Variants in PDE10A observed in about 807,000 individuals in gnomAD.
PDE10A encodes the protein phosphodiesterase 10A, also known as cAMP and cAMP-inhibited cGMP 3',5'-cyclic phosphodiesterase 10A.
PDE10A carries 39 observed loss-of-function variants against 97.7 expected under a neutral mutation model. That is an observed-to-expected ratio of 0.40 (90% CI 0.31 to 0.52). PDE10A has a LOEUF of 0.52. PDE10A is among the 20% of genes least tolerant of loss of function. The probability of loss-of-function intolerance (pLI) is 0.56; values close to 1 mark genes in which losing one functional copy is unlikely to be tolerated. For synonymous variants in PDE10A, 371 were observed against 376.8 expected (o/e 0.98, Z 0.18); for missense variants, 731 against 1,047.8 (o/e 0.70, Z 4.17).
intron 1 of PDE10A, among the ~76,000 whole-genome samples, chr6:165,668,385 G>A (rs1462871012): frequency 6.6e-6 from 1 of 152,122 alleles, no homozygotes; most frequent in Admixed American, 6.5e-5. Context: ...TACTACCTCA[G>A]TGCCTACACG....
Position 165,543,479 on chromosome 6 carries a change from C to T in PDE10A, c.955G>A (p.Val319Ile). 1 of 1,612,938 alleles carries T rather than the reference C, an allele frequency of 6.2e-7. No individual in the cohort carries two copies. Among genetic ancestry groups the T allele is most frequent in the Non-Finnish European group, 8.5e-7 (1 of 1,179,324 alleles). ...FVSESVSAET[V>I]EKWLKRKNNK... ...TTCTTCCTCTTCAGCCATTTCTCTA[C>T]TGTCTCTGCACTAACACTTTCAGAT... Residue 319 changes from valine (V) to isoleucine (I), a missense_variant, in exon 2 of 22, where the codon GTA becomes ATA. By Grantham distance (29) the Val-to-Ile change is conservative (BLOSUM62 3). Coordinates refer to ENST00000539869, the MANE Select transcript of PDE10A (RefSeq NM_001385079.1).
intron 1 of PDE10A, among the ~76,000 whole-genome samples, chr6:165,800,470 G>A (rs1778954093): frequency 6.6e-6 from 1 of 152,198 alleles, no homozygotes; most frequent in Admixed American, 6.5e-5. Flanking sequence ...AGAGGTGTGA[G>A]CGTCCCTCTG....
intron 1 of PDE10A, among the ~76,000 whole-genome samples, chr6:165,926,140 G>T (rs1292123714): frequency 6.6e-6 from 1 of 152,176 alleles, no homozygotes; most frequent in African/African-American, 2.4e-5. Flanking sequence ...TCTGCCTGGA[G>T]CAACCCTGGC....
At position 165,654,790 on chromosome 6, in the gene PDE10A, ACCT is replaced by A. The variant is rs538024277; in HGVS notation, c.865+7154_865+7156del. Among the ~76,000 whole-genome samples, 320 of 152,138 alleles carry A rather than the reference ACCT, an allele frequency of 2.1e-3. 2 individuals carry two copies. The highest frequency in any genetic ancestry group is 0.01 in the Middle Eastern group (3 of 294). On this transcript the variant is annotated intron_variant, in intron 1 of 21. Coordinates refer to ENST00000539869, the MANE Select transcript of PDE10A (RefSeq NM_001385079.1). The stretch of plus-strand genomic sequence containing the variant: ...AATCTCCCGACCGAGGCCACGGACG[ACCT>A]CCTGGCTGCTGGAACTCACCTGCTC...
chr6:165,327,559 AAC>A lies in PDE10A; in HGVS notation c.*5464_*5465del, dbSNP rs1269668715. On this transcript the variant is annotated 3_prime_UTR_variant, in exon 22 of 22. Coordinates refer to ENST00000539869, the MANE Select transcript of PDE10A (RefSeq NM_001385079.1). ...TAAATGATTACTGTTCTATTATACA[AAC>A]ATAACAGTAAATGTTTTTTAAATAC... The A allele has an allele frequency of 6.6e-6, 1 of 152,200 alleles. No homozygotes were observed. Among genetic ancestry groups the A allele is most frequent in the Non-Finnish European group, 1.5e-5 (1 of 68,018 alleles). 9.4% of individuals were successfully genotyped at this position (152,200 alleles called of 1,614,324 possible).
intron 1 of PDE10A, among the ~76,000 whole-genome samples, chr6:165,599,270 G>C (rs1043466557): frequency 6.6e-6 from 1 of 152,178 alleles, no homozygotes; most frequent in African/African-American, 2.4e-5. Context: ...GACACAAAAC[G>C]TAAGCCTTCA....
At position 165,671,954 on chromosome 6, in the gene PDE10A, A is replaced by G. The variant is rs371178486; in HGVS notation, c.-614-128386T>C. ...AATATATGCCATGAAACTCTATCCC[A>G]TCTGTTTTCAGTCAAACTATATTAC... is the stretch of plus-strand genomic sequence containing the variant. On this transcript the variant is annotated intron_variant, in intron 1 of 19. Transcript: ENST00000366882. This position sits in a 1 kb window ranked among gnomAD's most constrained non-coding sequence, Gnocchi z 4.6. Among the ~76,000 whole-genome samples, 1 of 152,292 alleles carries G rather than the reference A, an allele frequency of 6.6e-6. No individual in the cohort carries two copies. Among genetic ancestry groups the G allele is most frequent in the East Asian group, 1.9e-4 (1 of 5,186 alleles).
chr6:165,774,404 T>C (rs1202710057), intron 1 of PDE10A, among the ~76,000 whole-genome samples: 1 of 150,064 alleles, frequency 6.7e-6, no homozygotes, highest in Admixed American at 6.7e-5. Context: ...TAAAAATGCA[T>C]GAAAGTACTG....
intron 2 of PDE10A, among the ~76,000 whole-genome samples, chr6:165,527,595 T>C (rs976888474): frequency 6.6e-6 from 1 of 152,224 alleles, no homozygotes; most frequent in East Asian, 1.9e-4. Context: ...CTATGGGTCA[T>C]CAAGTCATCA....
At chr6:165,522,008 T>G (rs2128308618) in intron 2 of PDE10A, among the ~76,000 whole-genome samples, 1 of 152,350 alleles carries the variant, frequency 6.6e-6, no homozygotes, top group East Asian at 1.9e-4. Context: ...CAGAACTTTC[T>G]TCTTTTGTAA....
intron 1 of PDE10A, among the ~76,000 whole-genome samples, chr6:165,824,558 A>G (rs1779669887): frequency 6.6e-6 from 1 of 152,208 alleles, no homozygotes; most frequent in African/African-American, 2.4e-5. Flanking sequence ...GATCCCAATG[A>G]GGCAGAAATC....
At chr6:165,378,230 T>C (rs1445386462) in intron 18 of PDE10A, among the ~76,000 whole-genome samples, 1 of 152,198 alleles carries the variant, frequency 6.6e-6, no homozygotes, top group Non-Finnish European at 1.5e-5. Flanking sequence ...TTTAAAACAG[T>C]CTGTCCCAAA....
intron 13 of PDE10A, among the ~76,000 whole-genome samples, chr6:165,402,961 C>T (rs796355684): frequency 9.2e-5 from 14 of 152,228 alleles, no homozygotes; most frequent in Admixed American, 3.3e-4. Context: ...GGTCGGGCAA[C>T]TCTTAGAAAT....
Position 165,985,062 on chromosome 6 carries a change from G to T in PDE10A, c.-615+2467C>A, listed in dbSNP as rs990715247. Among the ~76,000 whole-genome samples the T allele has an allele frequency of 7.2e-5, 11 of 152,328 alleles. No individual in the cohort carries two copies. In the East Asian group the frequency reaches 1.5e-3, roughly 21 times the overall value. ...CCAGTCTCTCTGGATACTCTGCCCAGCTCGGCCCCTGCCACAGCCGAGGCC... is the reference window on the plus strand; with the variant it reads ...CCAGTCTCTCTGGATACTCTGCCCATCTCGGCCCCTGCCACAGCCGAGGCC... On this transcript the variant is annotated intron_variant, in intron 1 of 19. Transcript: ENST00000366882.
intron 1 of PDE10A, among the ~76,000 whole-genome samples, chr6:165,590,327 T>C (rs1786175457): frequency 6.6e-6 from 1 of 152,228 alleles, no homozygotes; most frequent in African/African-American, 2.4e-5. Context: ...GGAGGTTAAA[T>C]AGCTGGCCAC....
rs949372939 is a variant in PDE10A, at chr6:165,655,082, C to T, written c.865+6865G>A. 1.3e-5 allele frequency among the ~76,000 whole-genome samples: 2 copies of T among 152,178 alleles called. No individual in the cohort carries two copies. Among genetic ancestry groups the T allele is most frequent in the African/African-American group, 4.8e-5 (2 of 41,426 alleles). ...GCTCATAGCACAGAATTCCAGCGGG[C>T]CGTCCGTTCGCGTGTCAAACTTCAG... On this transcript the variant is annotated intron_variant, in intron 1 of 21. Transcript: ENST00000539869. The surrounding 1 kb of genome is among the most constrained non-coding windows in gnomAD (Gnocchi z 4.5).
At chr6:165,846,623 A>G (rs1195003559) in intron 1 of PDE10A, among the ~76,000 whole-genome samples, 1 of 152,242 alleles carries the variant, frequency 6.6e-6, no homozygotes, top group African/African-American at 2.4e-5. Context: ...TTCAAAAAGG[A>G]AGGCCAGACA....
chr6:165,919,498 T>A (rs539552689), intron 1 of PDE10A, among the ~76,000 whole-genome samples: 29 of 152,360 alleles, frequency 1.9e-4, no homozygotes, highest in Admixed American at 3.9e-4. Flanking sequence ...AGCAAACTTT[T>A]TCTGTTAAGG....
chr6:165,766,491 G>T (rs1266052514), intron 1 of PDE10A, among the ~76,000 whole-genome samples: 1 of 152,244 alleles, frequency 6.6e-6, no homozygotes, highest in African/African-American at 2.4e-5. Context: ...TTTAGACAAT[G>T]AACTGGAAAC....
Sources: gnomAD v4.1 joint callset for allele counts (sites outside exome capture counted in the v4.1 genomes callset) on GRCh38, gnomAD v4.1.1 for gene constraint, Gnocchi (gnomAD v3.1) non-coding constraint, MANE v1.5 for transcripts, NCBI Gene and HGNC (gene_info 2026-07-23, HGNC 2026-07-21) for gene names.